Variants in NAALADL2 observed in about 807,000 individuals in gnomAD.
NAALADL2 encodes the protein N-acetylated alpha-linked acidic dipeptidase like 2, also known as inactive N-acetylated-alpha-linked acidic dipeptidase-like protein 2.
In NAALADL2, 76 loss-of-function variants were observed where a neutral mutation model predicts 87.2. The ratio of observed to expected loss-of-function variants is 0.87; its 90% CI spans 0.72 to 1.05. The LOEUF (loss-of-function observed/expected upper bound fraction) is 1.05, where lower values mean the gene tolerates loss of function less well. NAALADL2 is among the 50% of genes least tolerant of loss of function. The pLI, the probability that NAALADL2 is intolerant of heterozygous loss-of-function variation, is 0.00. For synonymous variants in NAALADL2, 354 were observed against 331.0 expected, an observed-to-expected ratio of 1.07 and a Z score of -0.75; for missense variants, 1,089 against 945.8, an observed-to-expected ratio of 1.15 and a Z score of -1.99.
intron 5 of NAALADL2, among the ~76,000 whole-genome samples, chr3:175,378,103 T>A (rs145257722): frequency 6.6e-6 from 1 of 152,222 alleles, no homozygotes; most frequent in Admixed American, 6.5e-5. Flanking sequence ...ACTGTAACAC[T>A]CCCTCTGGGG....
At chr3:175,262,386 T>G (rs945619905) in intron 4 of NAALADL2, among the ~76,000 whole-genome samples, 1 of 152,042 alleles carries the variant, frequency 6.6e-6, no homozygotes, top group Non-Finnish European at 1.5e-5. Flanking sequence ...TTATTTATTC[T>G]AATTATTAGA....
chr3:174,660,293 C>A (rs1199944576), intron 2 of NAALADL2, among the ~76,000 whole-genome samples: 1 of 152,134 alleles, frequency 6.6e-6, no homozygotes, highest in African/African-American at 2.4e-5. Context: ...TTTCGACTGA[C>A]AAAATGCAAT....
chr3:175,097,513 A>T (rs1170841230), intron 2 of NAALADL2, among the ~76,000 whole-genome samples: 1 of 152,120 alleles, frequency 6.6e-6, no homozygotes, highest in African/African-American at 2.4e-5. Context: ...TACTAGTAAG[A>T]ATCATAACTA....
chr3:175,108,839 C>G (rs1268008672), intron 2 of NAALADL2, among the ~76,000 whole-genome samples: 1 of 151,676 alleles, frequency 6.6e-6, no homozygotes, highest in African/African-American at 2.4e-5. Context: ...TATTCTATTC[C>G]ATTGGGACAG....
In NAALADL2 at chr3:175,028,762, C is replaced by T. The variant is rs559396316; in HGVS notation, c.44-68028C>T. ...TCTAAATGAATATAATACTATTCCA[C>T]CTCTCAATACTTTTTTTAGAAGCTA... On this transcript the variant is annotated intron_variant, in intron 1 of 13. Transcript: ENST00000454872. 5.9e-4 allele frequency among the ~76,000 whole-genome samples: 89 copies of T among 151,884 alleles called. 1 individual carries two copies. The highest frequency in any genetic ancestry group is 1.9e-3 in the African/African-American group (78 of 41,506).
chr3:174,667,545 GTTTT>G (rs71162402), intron 2 of NAALADL2, among the ~76,000 whole-genome samples: 27 of 123,768 alleles, frequency 2.2e-4, no homozygotes, highest in Non-Finnish European at 3.6e-4. Flanking sequence ...ATGGGAGAGA[GTTTT>G]TTTTTTTTTT....
At chr3:175,090,952 A>T (rs1456422469) in intron 1 of NAALADL2, among the ~76,000 whole-genome samples, 1 of 137,622 alleles carries the variant, frequency 7.3e-6, no homozygotes, top group Non-Finnish European at 1.6e-5. Context: ...TGCCAAGACC[A>T]TTTCACTAAA....
chr3:174,602,188 A>C (rs968910520), intron 2 of NAALADL2, among the ~76,000 whole-genome samples: 2 of 152,160 alleles, frequency 1.3e-5, no homozygotes, highest in African/African-American at 2.4e-5. Context: ...AAGGGGTTGC[A>C]TTAAATCTGT....
In NAALADL2 at chr3:175,419,462, G is replaced by A. The variant is rs554641051; in HGVS notation, c.1091-27767G>A. Among the ~76,000 whole-genome samples the A allele has an allele frequency of 4.8e-4, 73 of 152,032 alleles. 2 individuals carry two copies. Among genetic ancestry groups the A allele is most frequent in the African/African-American group, 1.6e-3 (66 of 41,514 alleles). The stretch of plus-strand genomic sequence containing the variant: ...GCCTATAAACAGATGAAATTATGAA[G>A]TGGTCTACTAGAAATCCTGCATTGG... On this transcript the variant is annotated intron_variant, in intron 5 of 13. Transcript: ENST00000454872.
intron 5 of NAALADL2, among the ~76,000 whole-genome samples, chr3:175,398,228 A>G (rs1770064654): frequency 2.0e-5 from 3 of 152,092 alleles, no homozygotes; most frequent in African/African-American, 4.8e-5. Context: ...AGAGAAAGAC[A>G]CTAATTAATT....
chr3:175,211,693 G>A (rs558249183), intron 2 of NAALADL2, among the ~76,000 whole-genome samples: 3 of 151,884 alleles, frequency 2.0e-5, no homozygotes, highest in Admixed American at 1.3e-4. Context: ...AATTTAACCC[G>A]GTGTGTTTAA....
At chr3:174,996,189 A>C (rs1478019881) in intron 1 of NAALADL2, among the ~76,000 whole-genome samples, 1 of 152,318 alleles carries the variant, frequency 6.6e-6, no homozygotes, top group East Asian at 1.9e-4. Context: ...CTATAGTTCC[A>C]TTATTTTTCT....
chr3:174,514,297 C>T (rs190804100), intron 1 of NAALADL2, among the ~76,000 whole-genome samples: 13 of 152,168 alleles, frequency 8.5e-5, no homozygotes, highest in Admixed American at 2.0e-4. Context: ...CTTCACATGC[C>T]ACTCGCTGCC....
Position 175,234,070 on chromosome 3 carries a change from A to G in NAALADL2, c.685A>G (p.Ser229Gly), listed in dbSNP as rs1242391644. 4.3e-6 allele frequency: 7 copies of G among 1,613,926 alleles called. No individual in the cohort carries two copies. The Admixed American group carries it at 1.2e-4, about 27-fold the overall frequency. ...GCTTGATCTGCCAGGCCCTTCTCCC[A>G]GCACTGTGACTCTGAGCAGCAGTGG... ...VLLDLPGPSP[S>G]TVTLSSSGQC... Residue 229 changes from serine to glycine, a missense_variant, in exon 3 of 14, where the codon AGC becomes GGC. Coordinates refer to ENST00000454872, the MANE Select transcript of NAALADL2 (RefSeq NM_207015.3).
At chr3:174,946,926 G>T (rs1170755294) in intron 1 of NAALADL2, among the ~76,000 whole-genome samples, 1 of 152,060 alleles carries the variant, frequency 6.6e-6, no homozygotes, top group East Asian at 1.9e-4. Context: ...TTAGGCAGTT[G>T]CTTTGCTACT....
chr3:174,936,348 A>G (rs1737683096), intron 1 of NAALADL2, among the ~76,000 whole-genome samples: 1 of 152,076 alleles, frequency 6.6e-6, no homozygotes, highest in African/African-American at 2.4e-5. Context: ...TTATATAATA[A>G]TAATAATCTG....
intron 5 of NAALADL2, among the ~76,000 whole-genome samples, chr3:175,380,264 C>T (rs1424794296): frequency 6.6e-6 from 1 of 152,000 alleles, no homozygotes; most frequent in Non-Finnish European, 1.5e-5. Flanking sequence ...TTTCTTCCTC[C>T]ACCATCATTC....
chr3:175,432,410 A>G (rs1717910330), intron 5 of NAALADL2, among the ~76,000 whole-genome samples: 2 of 152,006 alleles, frequency 1.3e-5, no homozygotes, highest in African/African-American at 4.8e-5. Context: ...GGTACTAATT[A>G]TCTTCTTAAA....
At chr3:175,053,088 A>T (rs1755631692) in intron 1 of NAALADL2, among the ~76,000 whole-genome samples, 1 of 152,224 alleles carries the variant, frequency 6.6e-6, no homozygotes, top group African/African-American at 2.4e-5. Flanking sequence ...GAACAGGTTC[A>T]ATTTTGTTTA....
Sources: gnomAD v4.1 joint callset for allele counts (sites outside exome capture counted in the v4.1 genomes callset) on GRCh38, gnomAD v4.1.1 for gene constraint, MANE v1.5 for transcripts, NCBI Gene and HGNC (gene_info 2026-07-23, HGNC 2026-07-21) for gene names.